Variants in GCNT2 observed in about 807,000 individuals in gnomAD.
GCNT2 encodes glucosaminyl (N-acetyl) transferase 2 (I blood group), also known as N-acetyllactosaminide beta-1,6-N-acetylglucosaminyl-transferase.
A neutral mutation model predicts 34.2 loss-of-function variants in GCNT2; 34 were observed. The ratio of observed to expected loss-of-function variants is 1.00; its 90% CI spans 0.76 to 1.32. GCNT2 has a LOEUF of 1.32. Ranked by LOEUF, GCNT2 falls within the 40% of genes most tolerant of loss-of-function variation. The probability of loss-of-function intolerance (pLI) is 0.00; values close to 1 mark genes in which losing one functional copy is unlikely to be tolerated. For synonymous variants in GCNT2, 212 were observed against 188.0 expected, an observed-to-expected ratio of 1.13 and a Z score of -1.04; for missense variants, 584 against 489.4, an observed-to-expected ratio of 1.19 and a Z score of -1.82.
intron 3 of GCNT2, chr6:10,586,063 G>A (rs1237136276): frequency 6.2e-7 from 1 of 1,614,138 alleles, no homozygotes; most frequent in South Asian, 1.1e-5. Flanking sequence ...TTTTACAGTA[G>A]CCAATTGAGC....
At chr6:10,570,072 G>C (rs190104029) in intron 3 of GCNT2, among the ~76,000 whole-genome samples, 1 of 151,872 alleles carries the variant, frequency 6.6e-6, no homozygotes, top group Non-Finnish European at 1.5e-5. Context: ...AGGCTCATGC[G>C]TTCCTCCCAT....
intron 3 of GCNT2, among the ~76,000 whole-genome samples, chr6:10,539,054 G>T (rs1231672040): frequency 6.6e-6 from 1 of 152,016 alleles, no homozygotes; most frequent in African/African-American, 2.4e-5. Flanking sequence ...ACTGGTGAAT[G>T]GTTTGGAAAA....
At chr6:10,556,924 T>C in intron 3 of GCNT2, 2 of 1,614,218 alleles carry the variant, frequency 1.2e-6, no homozygotes, top group Non-Finnish European at 1.7e-6. Flanking sequence ...GGCTCCAGGC[T>C]GACCTGAACT....
intron 3 of GCNT2, among the ~76,000 whole-genome samples, chr6:10,595,079 T>C (rs1202337902): frequency 1.3e-5 from 2 of 152,150 alleles, no homozygotes; most frequent in Non-Finnish European, 2.9e-5. Flanking sequence ...TTCTTGATCA[T>C]TTTGATTTCC....
chr6:10,587,906 C>T (rs1764428656), intron 3 of GCNT2, among the ~76,000 whole-genome samples: 1 of 152,208 alleles, frequency 6.6e-6, no homozygotes, highest in African/African-American at 2.4e-5. Flanking sequence ...TCTACACACA[C>T]ACACTGCACA....
chr6:10,543,204 G>A (rs538364695), intron 3 of GCNT2, among the ~76,000 whole-genome samples: 5 of 145,122 alleles, frequency 3.4e-5, no homozygotes, highest in African/African-American at 7.7e-5. Flanking sequence ...CACCACGCCC[G>A]GCCCTTTTTT....
intron 3 of GCNT2, among the ~76,000 whole-genome samples, chr6:10,530,491 G>C (rs573925646): frequency 6.6e-6 from 1 of 152,262 alleles, no homozygotes; most frequent in African/African-American, 2.4e-5. Flanking sequence ...TTTTGTCTCT[G>C]TTGAAGCTCC....
intron 1 of GCNT2, among the ~76,000 whole-genome samples, chr6:10,525,086 T>C (rs1303954102): frequency 2.0e-5 from 3 of 152,112 alleles, no homozygotes; most frequent in African/African-American, 7.2e-5. Context: ...GTGAGGATGA[T>C]GGGATTCTTG....
rs1202294441 is a variant in GCNT2 at position 10,586,327 on chromosome 6, T to C, written c.926-35024T>C. On this transcript the variant is annotated intron_variant, in intron 3 of 4. Transcript: ENST00000495262. ...AAGGACTTTGACACCTTTGAAAGGC[T>C]CTTTAGGGCTATCTATATGCCCCAA... The C allele has an allele frequency of 1.9e-6, 3 of 1,614,060 alleles. No individual in the cohort carries two copies. The African/African-American group carries it at 4.0e-5, about 22-fold the overall frequency.
In GCNT2 at chr6:10,529,538, A is replaced by G. The variant is rs1761372454; in HGVS notation, c.627A>G (p.Gly209=). Residue 209 remains glycine, a synonymous_variant, in exon 3 of 5, where the codon GGA becomes GGG. Transcript: ENST00000495262. The part of the protein sequence containing the change: ...TNREIVQYLK[G]FKGKNITPGV... Reference sequence around the variant, plus strand: ...GGGAAATAGTTCAGTATCTGAAGGGATTTAAAGGGAAAAATATCACCCCCG... The same window carrying G: ...GGGAAATAGTTCAGTATCTGAAGGGGTTTAAAGGGAAAAATATCACCCCCG... The G allele has an allele frequency of 4.3e-6, 7 of 1,614,132 alleles. No individual in the cohort carries two copies. The highest frequency in any genetic ancestry group is 4.2e-6 in the Non-Finnish European group (5 of 1,180,018).
At chr6:10,532,248 G>T (rs992937732) in intron 3 of GCNT2, among the ~76,000 whole-genome samples, 1 of 152,110 alleles carries the variant, frequency 6.6e-6, no homozygotes, top group Non-Finnish European at 1.5e-5. Context: ...CTGACTTCTC[G>T]ACTCGATGTA....
At chr6:10,523,147 C>T (rs1217799853) in intron 1 of GCNT2, among the ~76,000 whole-genome samples, 3 of 152,090 alleles carry the variant, frequency 2.0e-5, no homozygotes, top group Non-Finnish European at 2.9e-5. Context: ...CAGCCAGGCG[C>T]GGTGTGGCTC....
chr6:10,621,474 C>T, intron 4 of GCNT2, 31 bp downstream of exon 4: 1 of 1,383,508 alleles, frequency 7.2e-7, no homozygotes, highest in Non-Finnish European at 1.0e-6. Flanking sequence ...TTCTAGGCCA[C>T]TGCCTGTTGG....
At chr6:10,585,686 G>A (rs1443079355) in intron 3 of GCNT2, 7 of 911,916 alleles carry the variant, frequency 7.7e-6, no homozygotes, top group African/African-American at 5.1e-5. Context: ...TAAATGAGGA[G>A]GCTTCCTAGA....
At chr6:10,548,183 C>G (rs1170101296) in intron 3 of GCNT2, among the ~76,000 whole-genome samples, 1 of 152,152 alleles carries the variant, frequency 6.6e-6, no homozygotes, top group Non-Finnish European at 1.5e-5. Context: ...TAAGATCTTG[C>G]CACTGCACTC....
intron 3 of GCNT2, among the ~76,000 whole-genome samples, chr6:10,540,862 A>G (rs1762007550): frequency 6.6e-6 from 1 of 152,096 alleles, no homozygotes; most frequent in East Asian, 1.9e-4. Flanking sequence ...TCAAAGGACA[A>G]ACATCCTTTG....
chr6:10,611,673 A>G (rs565310240), intron 3 of GCNT2, among the ~76,000 whole-genome samples: 1 of 152,236 alleles, frequency 6.6e-6, no homozygotes, highest in African/African-American at 2.4e-5. Flanking sequence ...AGCAATCAGA[A>G]TAAGAGGCTA....
intron 3 of GCNT2, among the ~76,000 whole-genome samples, chr6:10,562,672 AAAAAAC>A (rs1024771739): frequency 1.3e-5 from 2 of 151,390 alleles, no homozygotes; most frequent in South Asian, 2.1e-4. Flanking sequence ...AAAAAAAAAA[AAAAAAC>A]AAAAAAAAAC....
intron 1 of GCNT2, among the ~76,000 whole-genome samples, chr6:10,523,101 CAA>C (rs1279058999): frequency 1.3e-5 from 2 of 152,144 alleles, no homozygotes; most frequent in Non-Finnish European, 2.9e-5. Flanking sequence ...TGCATTGCCT[CAA>C]AGTTATTTGA....
Sources: gnomAD v4.1 joint callset for allele counts (sites outside exome capture counted in the v4.1 genomes callset) on GRCh38, gnomAD v4.1.1 for gene constraint, MANE v1.5 for transcripts, NCBI Gene and HGNC (gene_info 2026-07-23, HGNC 2026-07-21) for gene names.